The following NBAS variants were observed in gnomAD, a reference collection of about 807,000 sequenced individuals.
NBAS encodes NBAS subunit of NRZ tethering complex.
NBAS carries 219 observed loss-of-function variants against 302.5 expected under a neutral mutation model. The ratio of observed to expected loss-of-function variants is 0.72; its 90% confidence interval spans 0.65 to 0.81. The LOEUF (loss-of-function observed/expected upper bound fraction) is 0.81. Among genes scored for constraint, NBAS ranks in the 30% least tolerant of loss-of-function variants. NBAS has a pLI of 0.00. For missense variants in NBAS, 2,932 were observed against 2,841.6 expected (o/e 1.03, Z -0.72); for synonymous variants, 1,118 against 1,021.6 (o/e 1.09, Z -1.80).
the NBAS span, among the ~76,000 whole-genome samples, chr2:14,823,680 A>G: frequency 6.6e-6 from 1 of 152,226 alleles, no homozygotes; most frequent in African/African-American, 2.4e-5. Flanking sequence ...ACTTTTAAAA[A>G]TGGTTGAAAT....
the NBAS span, among the ~76,000 whole-genome samples, chr2:14,844,811 T>C: frequency 6.6e-6 from 1 of 152,132 alleles, no homozygotes; most frequent in South Asian, 2.1e-4. Flanking sequence ...GGATGAGGCT[T>C]CCCTGCCATT....
the NBAS span, among the ~76,000 whole-genome samples, chr2:14,946,921 C>T: frequency 6.6e-6 from 1 of 152,206 alleles, no homozygotes; most frequent in Admixed American, 6.5e-5. Context: ...CCAGACCTAC[C>T]AATGAGTCAA....
Position 15,327,544 on chromosome 2 carries a change from G to A in NBAS, c.4582+206C>T, listed in dbSNP as rs577721763. Among the ~76,000 whole-genome samples the A allele has an allele frequency of 8.5e-5, 13 of 152,190 alleles. No homozygotes were observed. The South Asian group carries it at 2.3e-3, about 27-fold the overall frequency. ...TCATCCCTTTAAATCCTCAATTTACGTACAAATCCTGAAAATAGCAGGTTC... is the reference window on the plus strand; with the variant it reads ...TCATCCCTTTAAATCCTCAATTTACATACAAATCCTGAAAATAGCAGGTTC... On this transcript the variant is annotated intron_variant, in intron 38 of 51. Transcript: ENST00000281513.
chr2:14,828,650 T>G, the NBAS span, among the ~76,000 whole-genome samples: 1 of 152,092 alleles, frequency 6.6e-6, no homozygotes, highest in Admixed American at 6.6e-5. Flanking sequence ...AACAAGGTGA[T>G]GAGTTGGGAG....
At chr2:15,062,673 G>A in the NBAS span, among the ~76,000 whole-genome samples, 1 of 152,170 alleles carries the variant, frequency 6.6e-6, no homozygotes, top group African/African-American at 2.4e-5. Context: ...TTTAGACATT[G>A]TCATCTCAAA....
At chr2:14,842,846 CA>C in the NBAS span, among the ~76,000 whole-genome samples, 9,153 of 74,004 alleles carry the variant, frequency 0.12, 325 homozygotes, top group African/African-American at 0.18. Context: ...CAGAAAATGA[CA>C]AAAAAAAAAA....
At position 15,224,938 on chromosome 2, in the gene NBAS, C is replaced by A. The variant is rs183607667; in HGVS notation, c.6237-5970G>T. ...TATTTATCAGCTCCCATGAAACAAT[C>A]GGGGAACTGGCAAGGAATAAGAACT... On this transcript the variant is annotated intron_variant, in intron 47 of 51. Coordinates refer to ENST00000281513, the MANE Select transcript of NBAS (RefSeq NM_015909.4). Among the ~76,000 whole-genome samples the A allele has an allele frequency of 7.2e-5, 11 of 152,194 alleles. No individual in the cohort carries two copies. The East Asian group carries it at 2.1e-3, about 29-fold the overall frequency.
At position 15,327,768 on chromosome 2, in the gene NBAS, C is replaced by G; in HGVS notation, c.4564G>C (p.Val1522Leu). The change falls in exon 38 of 52, where the codon GTA (valine) becomes CTA (leucine). Residue 1522 changes from valine (V) to leucine (L), a missense_variant. Val to Leu is a conservative substitution (Grantham distance 32). Coordinates refer to ENST00000281513, the MANE Select transcript of NBAS (RefSeq NM_015909.4). ...KLAEAKNKGEVFPTTEVLLQL... is the reference protein window; with the variant it reads ...KLAEAKNKGELFPTTEVLLQL... ...CTCTTACCTTCAGTTGTTGGAAATA[C>G]TTCTCCTTTATTTTTAGCCTCTGCC... is the stretch of plus-strand genomic sequence containing the variant. The G allele has an allele frequency of 6.2e-7, 1 of 1,613,652 alleles. No individual in the cohort carries two copies. Among genetic ancestry groups the G allele is most frequent in the Non-Finnish European group, 8.5e-7 (1 of 1,179,726 alleles).
chr2:14,891,242 A>G, the NBAS span, among the ~76,000 whole-genome samples: 1 of 152,216 alleles, frequency 6.6e-6, no homozygotes, highest in Non-Finnish European at 1.5e-5. Flanking sequence ...GACAAACCCA[A>G]TTAGGAAAAT....
At chr2:15,520,047 T>A (rs1361019644) in intron 9 of NBAS, among the ~76,000 whole-genome samples, 1 of 152,210 alleles carries the variant, frequency 6.6e-6, no homozygotes, top group African/African-American at 2.4e-5. Flanking sequence ...GGCATCATAT[T>A]TAAAACTGAG....
chr2:14,958,824 A>T, the NBAS span, among the ~76,000 whole-genome samples: 4 of 152,086 alleles, frequency 2.6e-5, no homozygotes, highest in Admixed American at 1.3e-4. Context: ...AAAAATGGGG[A>T]TCTACCAGGT....
At chr2:15,344,822 G>T (rs1673015405) in intron 35 of NBAS, among the ~76,000 whole-genome samples, 1 of 152,148 alleles carries the variant, frequency 6.6e-6, no homozygotes, top group African/African-American at 2.4e-5. Context: ...CCACGATCAA[G>T]TTGGCTTCAT....
At chr2:14,911,524 T>C in the NBAS span, among the ~76,000 whole-genome samples, 4 of 152,188 alleles carry the variant, frequency 2.6e-5, no homozygotes, top group Non-Finnish European at 5.9e-5. Context: ...GTATCGGTTT[T>C]AGAGTGAGGC....
chr2:15,182,890 G>A (rs1448078555), intron 50 of NBAS, among the ~76,000 whole-genome samples: 2 of 152,142 alleles, frequency 1.3e-5, no homozygotes, highest in African/African-American at 4.8e-5. Flanking sequence ...CTGAGGAGTC[G>A]TGAATTTTTT....
chr2:14,831,965 A>T, the NBAS span, among the ~76,000 whole-genome samples: 3 of 152,216 alleles, frequency 2.0e-5, no homozygotes, highest in African/African-American at 7.2e-5. Context: ...CAATCAGTCA[A>T]TGACTCATGA....
intron 35 of NBAS, among the ~76,000 whole-genome samples, chr2:15,337,852 G>A (rs1672661883): frequency 6.6e-6 from 1 of 152,122 alleles, no homozygotes; most frequent in South Asian, 2.1e-4. Context: ...AAGAGGTTAG[G>A]CAAAACTTAC....
chr2:15,396,983 A>T (rs1234575732), intron 26 of NBAS, among the ~76,000 whole-genome samples: 1 of 152,332 alleles, frequency 6.6e-6, no homozygotes, highest in Non-Finnish European at 1.5e-5. Flanking sequence ...AATCCCATCC[A>T]CTTCAACGTT....
chr2:15,323,241 T>C (rs1406291496), intron 38 of NBAS, among the ~76,000 whole-genome samples: 1 of 152,174 alleles, frequency 6.6e-6, no homozygotes, highest in African/African-American at 2.4e-5. Flanking sequence ...ATGACTCCAA[T>C]AGACACACTG....
At chr2:15,015,113 C>G in the NBAS span, among the ~76,000 whole-genome samples, 1 of 147,944 alleles carries the variant, frequency 6.8e-6, no homozygotes, top group Admixed American at 6.7e-5. Flanking sequence ...AGATCAATAA[C>G]AGGCAACAAG....
Sources: allele counts gnomAD v4.1 joint callset (sites outside exome capture counted in the v4.1 genomes callset), GRCh38; gene constraint gnomAD v4.1.1; transcripts MANE v1.5; gene names NCBI Gene and HGNC (gene_info 2026-07-23, HGNC 2026-07-21).